The following PCDHGA1 variants were observed in gnomAD, a reference collection of about 807,000 sequenced individuals.
The protein encoded by PCDHGA1 is protocadherin gamma-A1.
In PCDHGA1, 32 loss-of-function variants were observed where a neutral mutation model predicts 58.0. The observed-to-expected ratio is 0.55, with a 90% confidence interval of 0.42 to 0.74. The LOEUF (loss-of-function observed/expected upper bound fraction) is 0.74, where lower values mean the gene tolerates loss of function less well. Among genes scored for constraint, PCDHGA1 ranks in the 30% least tolerant of loss-of-function variants. The pLI is 0.00. For synonymous variants in PCDHGA1, 498 were observed against 501.1 expected, an observed-to-expected ratio of 0.99 and a Z score of 0.08; for missense variants, 1,205 against 1,182.3, an observed-to-expected ratio of 1.02 and a Z score of -0.28.
intron 1 of PCDHGA1, among the ~76,000 whole-genome samples, chr5:141,480,672 T>A (rs1053078255): frequency 2.0e-5 from 3 of 152,166 alleles, no homozygotes; most frequent in African/African-American, 7.2e-5. Context: ...CCTAGAGACC[T>A]TTTAAAAATT....
chr5:141,388,686 GA>G, intron 1 of PCDHGA1: 1 of 1,613,980 alleles, frequency 6.2e-7, no homozygotes, highest in Non-Finnish European at 8.5e-7. Context: ...GACTGCCACG[GA>G]CCAGGATGAG....
At chr5:141,498,830 G>T (rs2099786149) in intron 2 of PCDHGA1, among the ~76,000 whole-genome samples, 1 of 152,080 alleles carries the variant, frequency 6.6e-6, no homozygotes, top group Non-Finnish European at 1.5e-5. Context: ...CTACTCAGGA[G>T]GCTGAGGCAG....
chr5:141,337,972 C>A (rs1255123808), intron 1 of PCDHGA1, among the ~76,000 whole-genome samples: 1 of 152,178 alleles, frequency 6.6e-6, no homozygotes, highest in Non-Finnish European at 1.5e-5. Context: ...CTGTCTCTTA[C>A]CTTCAAGCAT....
At position 141,477,493 on chromosome 5, in the gene PCDHGA1, A is replaced by G. The variant is rs2154575835; in HGVS notation, c.2422-17314A>G. ...ATGACAACCCTCCACAATCTTCTCA[A>G]TCTTCCTACGACGTTTACATTGAAG... On this transcript the variant is annotated intron_variant, in intron 1 of 3. Transcript: ENST00000517417. This position sits in a 1 kb window ranked among gnomAD's most constrained non-coding sequence, Gnocchi z 4.9. 6.2e-7 allele frequency: 1 copy of G among 1,613,976 alleles called. No individual in the cohort carries two copies. The highest frequency in any genetic ancestry group is 1.6e-4 in the Middle Eastern group (1 of 6,062).
At chr5:141,415,611 A>G in intron 1 of PCDHGA1, 1 of 1,613,152 alleles carries the variant, frequency 6.2e-7, no homozygotes, top group Non-Finnish European at 8.5e-7. Context: ...CATTGGTTCC[A>G]GTGAGTTTTA....
intron 1 of PCDHGA1, chr5:141,400,123 G>T: frequency 6.2e-7 from 1 of 1,614,082 alleles, no homozygotes; most frequent in Non-Finnish European, 8.5e-7. Flanking sequence ...CAGCTTGCAG[G>T]AGGTGCTGCC....
intron 1 of PCDHGA1, chr5:141,422,019 G>C: frequency 6.2e-7 from 1 of 1,610,862 alleles, no homozygotes; most frequent in Non-Finnish European, 8.5e-7. Context: ...GGGTGCTGAT[G>C]GTTAATGCAA....
chr5:141,330,690 G>A lies in PCDHGA1; in HGVS notation c.6G>A (p.Lys2=). The part of the protein sequence containing the change: M[K]IQKKLTGCSR... Reference sequence around the variant, plus strand: ...AACTACGAAGTGAGAGAGCCATGAAGATTCAGAAAAAGCTGACTGGCTGCA... The same window carrying A: ...AACTACGAAGTGAGAGAGCCATGAAAATTCAGAAAAAGCTGACTGGCTGCA... Residue 2 remains lysine (K), a synonymous_variant, in exon 1 of 4, where the codon AAG becomes AAA. Coordinates refer to ENST00000517417, the MANE Select transcript of PCDHGA1 (RefSeq NM_018912.3). 2 of 1,605,152 alleles carry A rather than the reference G, an allele frequency of 1.2e-6. No individual in the cohort carries two copies. Among genetic ancestry groups the A allele is most frequent in the South Asian group, 1.1e-5 (1 of 90,486 alleles).
intron 1 of PCDHGA1, among the ~76,000 whole-genome samples, chr5:141,458,112 A>C (rs2098937913): frequency 6.6e-6 from 1 of 152,208 alleles, no homozygotes; most frequent in Non-Finnish European, 1.5e-5. Context: ...ATAGTCTCCA[A>C]ATTTTAGAGG....
intron 1 of PCDHGA1, chr5:141,392,777 A>T (rs1226924811): frequency 6.5e-7 from 1 of 1,529,322 alleles, no homozygotes; most frequent in Admixed American, 2.2e-5. Context: ...ATTTATGCAC[A>T]GTGAAGATTC....
At chr5:141,355,439 G>T in intron 1 of PCDHGA1, 1 of 1,614,108 alleles carries the variant, frequency 6.2e-7, no homozygotes, top group Non-Finnish European at 8.5e-7. Flanking sequence ...CTGAACCCGC[G>T]CAGCGGCACC....
Position 141,476,209 on chromosome 5 carries a change from G to T in PCDHGA1, c.2422-18598G>T, listed in dbSNP as rs749576231. On this transcript the variant is annotated intron_variant, in intron 1 of 3. Coordinates refer to ENST00000517417, the MANE Select transcript of PCDHGA1 (RefSeq NM_018912.3). The surrounding 1 kb of genome is among the most constrained non-coding windows in gnomAD (Gnocchi z 7.6). ...TTGGTGCCTTGAACAAGGCTTCCAC[G>T]GTCATTCACTATGAGATCCCGGAGG... The T allele has an allele frequency of 6.2e-6, 10 of 1,613,974 alleles. No individual in the cohort carries two copies. Among genetic ancestry groups the T allele is most frequent in the Non-Finnish European group, 8.5e-6 (10 of 1,180,026 alleles).
chr5:141,361,192 T>A, intron 1 of PCDHGA1: 1 of 1,613,978 alleles, frequency 6.2e-7, no homozygotes, highest in Non-Finnish European at 8.5e-7. Flanking sequence ...GACTTCAGTA[T>A]CTACTCCCCT....
At chr5:141,438,649 CACATATATGTAT>C (rs1346265042) in intron 1 of PCDHGA1, among the ~76,000 whole-genome samples, 20 of 100,970 alleles carry the variant, frequency 2.0e-4, no homozygotes, top group Admixed American at 2.1e-4. Flanking sequence ...CACACACACA[CACATATATGTAT>C]ATATATATTT....
At chr5:141,399,196 G>A (rs201540226) in intron 1 of PCDHGA1, 2 of 1,613,938 alleles carry the variant, frequency 1.2e-6, no homozygotes, top group Non-Finnish European at 1.7e-6. Flanking sequence ...GGAAAACGCG[G>A]TGCCTGGAAC....
intron 1 of PCDHGA1, chr5:141,393,008 T>C: frequency 1.2e-6 from 2 of 1,613,876 alleles, no homozygotes. Flanking sequence ...ACGGAGTCCG[T>C]ATCGTCTCCA....
chr5:141,331,521 C>T lies in PCDHGA1; in HGVS notation c.837C>T (p.Tyr279=). 1 of 1,614,188 alleles carries T rather than the reference C, an allele frequency of 6.2e-7. No homozygotes were observed. The highest frequency in any genetic ancestry group is 8.5e-7 in the Non-Finnish European group (1 of 1,180,052). ...PDEGANGEVT[Y]SFHNVDHRVA... is the part of the protein sequence containing the mutation. ...AGGGAGCCAATGGGGAAGTAACGTA[C>T]TCCTTTCACAATGTAGACCACAGAG... Residue 279 remains tyrosine, a synonymous_variant, in exon 1 of 4, where the codon TAC becomes TAT. Transcript: ENST00000517417.
At chr5:141,448,415 T>C (rs1286455437) in intron 1 of PCDHGA1, among the ~76,000 whole-genome samples, 2 of 152,158 alleles carry the variant, frequency 1.3e-5, no homozygotes, top group African/African-American at 2.4e-5. Context: ...ATCAAAACAA[T>C]ATACTATGTA....
chr5:141,371,913 G>T (rs569737317), intron 1 of PCDHGA1: 1 of 1,613,394 alleles, frequency 6.2e-7, no homozygotes, highest in African/African-American at 1.3e-5. Flanking sequence ...CTACGTGTCC[G>T]TGAGCGCGCG....
Sources: allele counts gnomAD v4.1 joint callset (sites outside exome capture counted in the v4.1 genomes callset), GRCh38; gene constraint gnomAD v4.1.1; non-coding constraint Gnocchi (gnomAD v3.1); transcripts MANE v1.5; gene names NCBI Gene and HGNC (gene_info 2026-07-23, HGNC 2026-07-21).